Variants in FUT8 observed in about 807,000 individuals in gnomAD.
FUT8 encodes the protein alpha-(1,6)-fucosyltransferase.
FUT8 carries 29 observed loss-of-function variants against 71.3 expected under a neutral mutation model. The observed-to-expected ratio is 0.41, with a 90% confidence interval of 0.30 to 0.55. FUT8 has a LOEUF of 0.55. FUT8 is among the 20% of genes least tolerant of loss of function. The pLI is 0.34. For synonymous variants in FUT8, 254 were observed against 239.3 expected (o/e 1.06, Z -0.57); for missense variants, 544 against 702.1 (o/e 0.77, Z 2.55).
intron 2 of FUT8, among the ~76,000 whole-genome samples, chr14:65,520,613 C>A (rs1883017000): frequency 6.6e-6 from 1 of 151,786 alleles, no homozygotes; most frequent in Non-Finnish European, 1.5e-5. Context: ...GTTATAGCAA[C>A]CTTATTTTTT....
chr14:65,677,149 T>TGCGCGC (rs1484485353), intron 7 of FUT8, among the ~76,000 whole-genome samples: 6 of 84,528 alleles, frequency 7.1e-5, no homozygotes, highest in African/African-American at 1.9e-4. Context: ...TGTGTGTGTG[T>TGCGCGC]GTGCGCGCGC....
chr14:65,637,147 C>G (rs1890602972), intron 6 of FUT8, among the ~76,000 whole-genome samples: 1 of 152,068 alleles, frequency 6.6e-6, no homozygotes, highest in Non-Finnish European at 1.5e-5. Flanking sequence ...GTTTCTATTT[C>G]TGTAGTTTCT....
At chr14:65,480,266 T>C (rs1251946969) in intron 2 of FUT8, among the ~76,000 whole-genome samples, 3 of 151,332 alleles carry the variant, frequency 2.0e-5, no homozygotes, top group African/African-American at 7.3e-5. Flanking sequence ...TTGGTAGTAG[T>C]AAAACTGTTG....
At chr14:65,541,972 G>A (rs2139964389) in intron 2 of FUT8, among the ~76,000 whole-genome samples, 1 of 152,218 alleles carries the variant, frequency 6.6e-6, no homozygotes, top group East Asian at 1.9e-4. Flanking sequence ...CATTGATTCT[G>A]GTTCTGCTAC....
chr14:65,701,635 T>G (rs1894300533), intron 7 of FUT8, among the ~76,000 whole-genome samples: 6 of 152,236 alleles, frequency 3.9e-5, no homozygotes, highest in Admixed American at 3.9e-4. Context: ...TTATTTTTCT[T>G]TCTTTGGGGA....
At chr14:65,589,913 A>G (rs907496138) in intron 3 of FUT8, among the ~76,000 whole-genome samples, 2 of 152,218 alleles carry the variant, frequency 1.3e-5, no homozygotes, top group African/African-American at 4.8e-5. Flanking sequence ...AAACCATCCA[A>G]AGAGTACAAA....
intron 2 of FUT8, among the ~76,000 whole-genome samples, chr14:65,476,728 C>G (rs549090610): frequency 1.4e-5 from 2 of 146,682 alleles, no homozygotes; most frequent in South Asian, 4.3e-4. Context: ...GCTATCATAG[C>G]TCACTGCAAT....
intron 1 of FUT8, among the ~76,000 whole-genome samples, chr14:65,414,346 T>A (rs1321076348): frequency 5.3e-5 from 8 of 152,238 alleles, no homozygotes; most frequent in Admixed American, 4.6e-4. Context: ...TTCTATGTTT[T>A]ATGACTAATT....
intron 7 of FUT8, among the ~76,000 whole-genome samples, chr14:65,702,276 C>T (rs186387269): frequency 2.7e-5 from 4 of 146,232 alleles, no homozygotes; most frequent in Non-Finnish European, 4.5e-5. Context: ...ACCCGGGAGG[C>T]GGAGGTTGCT....
intron 2 of FUT8, among the ~76,000 whole-genome samples, chr14:65,546,778 G>A (rs1885007767): frequency 6.6e-6 from 1 of 150,906 alleles, no homozygotes; most frequent in Non-Finnish European, 1.5e-5. Flanking sequence ...AGAACTCTTT[G>A]TGTAGAATTG....
At chr14:65,649,231 A>G (rs183535276) in intron 6 of FUT8, among the ~76,000 whole-genome samples, 1 of 152,358 alleles carries the variant, frequency 6.6e-6, no homozygotes, top group East Asian at 1.9e-4. Context: ...TTCTGCCAAT[A>G]AAACAGCCCT....
rs374407475 is a variant in FUT8 at position 65,435,922 on chromosome 14, C to CT, written c.-325-19681dup. On this transcript the variant is annotated intron_variant, in intron 1 of 10. Transcript: ENST00000673929. Reference sequence around the variant, plus strand: ...TTTCGTGTGCTTTAAGATATCTTCCCTTTTTTTTTTTTTTTTTTCTTTAAA... The same window carrying CT: ...TTTCGTGTGCTTTAAGATATCTTCCCTTTTTTTTTTTTTTTTTTTCTTTAAA... Among the ~76,000 whole-genome samples the CT allele has an allele frequency of 8.4e-3, 1,020 of 121,896 alleles. 11 individuals are homozygous for CT. Among genetic ancestry groups the CT allele is most frequent in the Non-Finnish European group, 0.011 (648 of 57,998 alleles). The allele number at this position is 121,896 out of a possible 152,430, so 80.0% of individuals were successfully genotyped here.
chr14:65,682,482 G>A, intron 7 of FUT8, among the ~76,000 whole-genome samples: 1 of 151,812 alleles, frequency 6.6e-6, no homozygotes, highest in East Asian at 1.9e-4. Context: ...TCCAGCCTGG[G>A]CAACAGAGCA....
chr14:65,656,024 G>T (rs1177700505), intron 6 of FUT8, among the ~76,000 whole-genome samples: 3 of 151,962 alleles, frequency 2.0e-5, no homozygotes, highest in African/African-American at 4.8e-5. Flanking sequence ...GAAACTGAAA[G>T]ACTTTTCTCT....
chr14:65,666,649 G>C (rs759068458), intron 6 of FUT8, among the ~76,000 whole-genome samples: 1 of 152,138 alleles, frequency 6.6e-6, no homozygotes, highest in Non-Finnish European at 1.5e-5. Flanking sequence ...TTGAGGAGGA[G>C]AGACTCCTCC....
chr14:65,419,359 T>C (rs2065261339), intron 1 of FUT8, among the ~76,000 whole-genome samples: 1 of 152,198 alleles, frequency 6.6e-6, no homozygotes, highest in Admixed American at 6.5e-5. Flanking sequence ...TGAAGAGAAC[T>C]AACATATTAA....
intron 2 of FUT8, chr14:65,457,770 G>A (rs949997930): frequency 3.9e-5 from 6 of 152,226 alleles, no homozygotes; most frequent in Admixed American, 1.3e-4. Context: ...GTAACATCGG[G>A]TTCTAAGTCA....
intron 3 of FUT8, among the ~76,000 whole-genome samples, chr14:65,571,062 A>G (rs1017196259): frequency 2.6e-5 from 4 of 152,080 alleles, no homozygotes; most frequent in African/African-American, 4.8e-5. Flanking sequence ...ATGTGGCTGC[A>G]CTGGAGTCTT....
intron 10 of FUT8, among the ~76,000 whole-genome samples, chr14:65,738,884 GTAT>G (rs1474716699): frequency 6.6e-6 from 1 of 152,000 alleles, no homozygotes; most frequent in Non-Finnish European, 1.5e-5. Context: ...TACTGGGCTG[GTAT>G]TATGCCTGGA....
Sources: allele counts gnomAD v4.1 joint callset (sites outside exome capture counted in the v4.1 genomes callset), GRCh38; gene constraint gnomAD v4.1.1; transcripts MANE v1.5; gene names NCBI Gene and HGNC (gene_info 2026-07-23, HGNC 2026-07-21).